Variants in LINGO2 observed in about 807,000 individuals in gnomAD.
The protein encoded by LINGO2 is leucine-rich repeat and immunoglobulin-like domain-containing nogo receptor-interacting protein 2.
A neutral mutation model predicts 30.6 loss-of-function variants in LINGO2; 14 were observed. The observed-to-expected ratio is 0.46, with a 90% CI of 0.30 to 0.72. The LOEUF (loss-of-function observed/expected upper bound fraction) is 0.72, where lower values mean the gene tolerates loss of function less well. Ranked by LOEUF, LINGO2 falls within the 30% of genes least tolerant of loss-of-function variation. The pLI is 0.07. For synonymous variants in LINGO2, 317 were observed against 288.5 expected, an observed-to-expected ratio of 1.10 and a Z score of -1.00; for missense variants, 729 against 751.7, an observed-to-expected ratio of 0.97 and a Z score of 0.35.
At chr9:29,048,457 A>C in the LINGO2 span, among the ~76,000 whole-genome samples, 1 of 118,618 alleles carries the variant, frequency 8.4e-6, no homozygotes, top group Non-Finnish European at 1.9e-5. Flanking sequence ...TATTCACAGA[A>C]ATAGAAAAAA....
At chr9:28,578,364 T>C (rs942401797) in intron 1 of LINGO2, among the ~76,000 whole-genome samples, 1 of 152,186 alleles carries the variant, frequency 6.6e-6, no homozygotes, top group African/African-American at 2.4e-5. Context: ...TAGCCAGATT[T>C]AGGTAACAGA....
At chr9:28,651,725 T>C (rs1828111443) in intron 1 of LINGO2, among the ~76,000 whole-genome samples, 1 of 152,194 alleles carries the variant, frequency 6.6e-6, no homozygotes, top group Non-Finnish European at 1.5e-5. Context: ...ACATTTGTAA[T>C]GGGCCCCTCT....
At chr9:28,408,189 T>G (rs1410952315) in intron 2 of LINGO2, among the ~76,000 whole-genome samples, 1 of 152,124 alleles carries the variant, frequency 6.6e-6, no homozygotes, top group Non-Finnish European at 1.5e-5. Flanking sequence ...GGTACATCAT[T>G]TATCTCCTTT....
chr9:28,297,355 T>G (rs2134192562), intron 3 of LINGO2, among the ~76,000 whole-genome samples: 1 of 152,312 alleles, frequency 6.6e-6, no homozygotes, highest in Middle Eastern at 3.4e-3. Context: ...TGTTCATTTA[T>G]TTATTTATTA....
At chr9:28,600,587 G>A (rs1169054778) in intron 1 of LINGO2, among the ~76,000 whole-genome samples, 1 of 152,062 alleles carries the variant, frequency 6.6e-6, no homozygotes, top group African/African-American at 2.4e-5. Context: ...TAAATAGAGT[G>A]ATGCAAAGTG....
At chr9:28,248,529 A>G (rs1241417722) in intron 4 of LINGO2, among the ~76,000 whole-genome samples, 1 of 152,172 alleles carries the variant, frequency 6.6e-6, no homozygotes, top group Non-Finnish European at 1.5e-5. Context: ...AATTAGAAAG[A>G]ATGAATAAGA....
At chr9:28,279,827 C>A (rs1823256860) in intron 4 of LINGO2, among the ~76,000 whole-genome samples, 1 of 151,992 alleles carries the variant, frequency 6.6e-6, no homozygotes, top group African/African-American at 2.4e-5. Context: ...TAAAGTTTTT[C>A]CAGATATGAT....
the LINGO2 span, among the ~76,000 whole-genome samples, chr9:28,785,567 G>A: frequency 3.1e-4 from 47 of 152,122 alleles, no homozygotes; most frequent in East Asian, 3.9e-3. Context: ...AGTTTACTGC[G>A]ATATTTGCAG....
intron 4 of LINGO2, among the ~76,000 whole-genome samples, chr9:28,282,562 A>G (rs950179215): frequency 1.3e-5 from 2 of 152,088 alleles, no homozygotes; most frequent in African/African-American, 4.8e-5. Context: ...CCAGGAGAAA[A>G]TATTATTTTT....
chr9:28,718,383 T>C, the LINGO2 span, among the ~76,000 whole-genome samples: 11 of 152,044 alleles, frequency 7.2e-5, no homozygotes, highest in African/African-American at 2.7e-4. Flanking sequence ...ATGAAATATA[T>C]GTATAATACA....
the LINGO2 span, among the ~76,000 whole-genome samples, chr9:28,851,651 A>G: frequency 6.6e-6 from 1 of 151,972 alleles, no homozygotes; most frequent in South Asian, 2.1e-4. Context: ...ACTTCTCAGT[A>G]TCATATTTGA....
chr9:28,084,377 A>C (rs2133232165), intron 4 of LINGO2, among the ~76,000 whole-genome samples: 1 of 152,240 alleles, frequency 6.6e-6, no homozygotes, highest in East Asian at 1.9e-4. Flanking sequence ...AAGATAAGTA[A>C]AATATTTATA....
chr9:28,896,400 G>T, the LINGO2 span, among the ~76,000 whole-genome samples: 2 of 152,062 alleles, frequency 1.3e-5, no homozygotes, highest in African/African-American at 4.8e-5. Context: ...TTTCCAATAT[G>T]TTATGAATTT....
intron 1 of LINGO2, among the ~76,000 whole-genome samples, chr9:28,528,763 G>T (rs1442114723): frequency 7.6e-6 from 1 of 131,004 alleles, no homozygotes; most frequent in Non-Finnish European, 1.6e-5. Flanking sequence ...CAGCAAAGGT[G>T]TGTGTGTGTG....
chr9:28,488,404 T>C (rs957979949), intron 1 of LINGO2, among the ~76,000 whole-genome samples: 1 of 152,130 alleles, frequency 6.6e-6, no homozygotes, highest in African/African-American at 2.4e-5. Context: ...TTATTATAAA[T>C]AGATCCAACT....
chr9:28,778,878 C>T, the LINGO2 span, among the ~76,000 whole-genome samples: 1 of 152,068 alleles, frequency 6.6e-6, no homozygotes, highest in African/African-American at 2.4e-5. Context: ...ACAGCAAATA[C>T]ATGGAAGCAT....
At chr9:28,019,245 C>T (rs1405407344) in intron 4 of LINGO2, among the ~76,000 whole-genome samples, 1 of 151,446 alleles carries the variant, frequency 6.6e-6, no homozygotes, top group Non-Finnish European at 1.5e-5. Flanking sequence ...TATAACAAAG[C>T]TACACATATA....
At chr9:29,027,963 T>A in the LINGO2 span, among the ~76,000 whole-genome samples, 2 of 152,154 alleles carry the variant, frequency 1.3e-5, no homozygotes, top group African/African-American at 4.8e-5. Context: ...ACTTTCAAGA[T>A]GAGATTAAGC....
At chr9:28,167,679 A>C (rs1417532552) in intron 4 of LINGO2, among the ~76,000 whole-genome samples, 1 of 151,952 alleles carries the variant, frequency 6.6e-6, no homozygotes, top group African/African-American at 2.4e-5. Flanking sequence ...GAGCCACTGC[A>C]CCCCACCTAT....
Sources: gnomAD v4.1 joint callset for allele counts (sites outside exome capture counted in the v4.1 genomes callset) on GRCh38, gnomAD v4.1.1 for gene constraint, MANE v1.5 for transcripts, NCBI Gene and HGNC (gene_info 2026-07-23, HGNC 2026-07-21) for gene names.